TNFRSF1A: variants seen among roughly 807,000 people sequenced by gnomAD.
TNFRSF1A encodes tumor necrosis factor receptor superfamily member 1A.
A neutral mutation model predicts 41.6 loss-of-function variants in TNFRSF1A; 9 were observed. The ratio of observed to expected loss-of-function variants is 0.22; its 90% CI spans 0.13 to 0.38. The LOEUF is 0.38. Ranked by LOEUF, TNFRSF1A falls within the 10% of genes least tolerant of loss-of-function variation. The pLI, the probability that TNFRSF1A is intolerant of heterozygous loss-of-function variation, is 1.00. For missense variants in TNFRSF1A, 463 were observed against 591.5 expected (o/e 0.78, Z 2.25); for synonymous variants, 254 against 248.6 (o/e 1.02, Z -0.21).
intron 7 of TNFRSF1A, 53 bp downstream of exon 7, chr12:6,330,545 A>G (rs1436298689): frequency 2.2e-6 from 3 of 1,373,816 alleles, no homozygotes; most frequent in East Asian, 4.7e-5. Flanking sequence ...GCACCCACCC[A>G]TGTCCTCCCT....
chr12:6,333,271 A>T lies in TNFRSF1A; in HGVS notation c.472+96T>A. The stretch of plus-strand genomic sequence containing the variant: ...AGGAGTTGGTTGTCAGACCCACAGA[A>T]TACAGGAGGGGGAAGGAAAGGAAGT... On this transcript the variant is annotated intron_variant, in intron 4 of 9. Coordinates refer to ENST00000162749, the MANE Select transcript of TNFRSF1A (RefSeq NM_001065.4). The surrounding 1 kb of genome is among the most constrained non-coding windows in gnomAD (Gnocchi z 6.3). The T allele has an allele frequency of 6.4e-7, 1 of 1,555,976 alleles. No individual in the cohort carries two copies. The highest frequency in any genetic ancestry group is 8.8e-7 in the Non-Finnish European group (1 of 1,139,798).
rs1379260665 is a variant in TNFRSF1A, at chr12:6,328,969, A to AC, written c.*342dup. ...ACAAAACAAAACAAAAACAAAAAAA[A>AC]CTGCTTATGCACTGTGAAAAAGGCT... On this transcript the variant is annotated 3_prime_UTR_variant, in exon 10 of 10. Transcript: ENST00000162749. 4.3e-5 allele frequency: 14 copies of AC among 325,904 alleles called. No individual in the cohort carries two copies. The highest frequency in any genetic ancestry group is 7.9e-4 in the Middle Eastern group (1 of 1,268). The allele number at this position is 325,904 out of a possible 1,614,324, so 20.2% of individuals were successfully genotyped here.
In TNFRSF1A at chr12:6,336,812, C is replaced by A. The variant is rs35934465; in HGVS notation, c.40-2568G>T. Among the ~76,000 whole-genome samples, 4 of 152,356 alleles carry A rather than the reference C, an allele frequency of 2.6e-5. No homozygotes were observed. In the East Asian group the frequency reaches 7.7e-4, roughly 29 times the overall value. ...AGCTCTCACTCCATCCCCCAACACT[C>A]CCCAGTCCCAGCAGGAAGCAAGCCA... is the stretch of plus-strand genomic sequence containing the variant. On this transcript the variant is annotated intron_variant, in intron 1 of 9. Transcript: ENST00000162749.
Position 6,334,291 on chromosome 12 carries a change from T to C in TNFRSF1A, c.40-47A>G, listed in dbSNP as rs201502987. Reference sequence around the variant, plus strand: ...GAGACACCATCAAGAGAGGGAGGGATGGGAAGCTTAGGGGTAGCAGATCTA... The same window carrying C: ...GAGACACCATCAAGAGAGGGAGGGACGGGAAGCTTAGGGGTAGCAGATCTA... On this transcript the variant is annotated intron_variant, in intron 1 of 9. Coordinates refer to ENST00000162749, the MANE Select transcript of TNFRSF1A (RefSeq NM_001065.4). The surrounding 1 kb of genome is among the most constrained non-coding windows in gnomAD (Gnocchi z 5.1). 4 of 1,580,558 alleles carry C rather than the reference T, an allele frequency of 2.5e-6. No individual in the cohort carries two copies. Among genetic ancestry groups the C allele is most frequent in the Non-Finnish European group, 3.5e-6 (4 of 1,153,890 alleles).
chr12:6,330,540 C>T (rs1201169295), intron 7 of TNFRSF1A, 58 bp downstream of exon 7: 1 of 1,321,534 alleles, frequency 7.6e-7, no homozygotes, highest in Non-Finnish European at 1.1e-6. Flanking sequence ...CCATCGCACC[C>T]ACCCATGTCC....
rs1285092040 is a variant in TNFRSF1A, at chr12:6,330,028, T to C, written c.807A>G (p.Pro269=). ...CTGGAGTGGGACTGAAGCTTGGGTT[T>C]GGGGCCAGGGGCTTAGTAGTAGTTC... ...LEGTTTKPLA[P]NPSFSPTPGF... is the part of the protein sequence containing the mutation. The change falls in exon 9 of 10, where the codon CCA becomes CCG. Residue 269 remains proline (P), a synonymous_variant. Coordinates refer to ENST00000162749, the MANE Select transcript of TNFRSF1A (RefSeq NM_001065.4). 5.6e-6 allele frequency: 9 copies of C among 1,612,232 alleles called. No individual in the cohort carries two copies. Among genetic ancestry groups the C allele is most frequent in the Non-Finnish European group, 6.8e-6 (8 of 1,179,458 alleles).
At chr12:6,329,702 T>C in intron 9 of TNFRSF1A, 76 bp downstream of exon 9, 1 of 1,524,866 alleles carries the variant, frequency 6.6e-7, no homozygotes, top group Non-Finnish European at 8.8e-7. Flanking sequence ...CCTCTCGTGG[T>C]CCCCTCTGGG....
Position 6,334,421 on chromosome 12 carries a change from C to T in TNFRSF1A, c.40-177G>A, listed in dbSNP as rs996911263. ...TGAAACTTAGACAGTTGGGGCCATA[C>T]AATCTGATGCTTAATTGTTCTCTAG... On this transcript the variant is annotated intron_variant, in intron 1 of 9. Coordinates refer to ENST00000162749, the MANE Select transcript of TNFRSF1A (RefSeq NM_001065.4). The surrounding 1 kb of genome is among the most constrained non-coding windows in gnomAD (Gnocchi z 5.1). Among the ~76,000 whole-genome samples, 10 of 152,204 alleles carry T rather than the reference C, an allele frequency of 6.6e-5. No homozygotes were observed. The highest frequency in any genetic ancestry group is 1.2e-4 in the Non-Finnish European group (8 of 68,040).
In TNFRSF1A at chr12:6,329,367, T is replaced by G. The variant is rs778715246; in HGVS notation, c.1313A>C (p.Glu438Ala). Residue 438 changes from glutamate to alanine, a missense_variant, in exon 10 of 10, where the codon GAG becomes GCG. By Grantham distance (107) the Glu-to-Ala change is moderately radical (BLOSUM62 -1). Around this residue, in one of 4 missense-constraint regions of TNFRSF1A, gnomAD observed 277 missense variants for 288.8 expected, o/e 0.96. Coordinates refer to ENST00000162749, the MANE Select transcript of TNFRSF1A (RefSeq NM_001065.4). The stretch of plus-strand genomic sequence containing the variant: ...GGCGGCGGGGCCGCAAAGCGCCTCC[T>G]CGATGTCCTCCAGGCAGCCCAGCAG... ...MDLLGCLEDI[E>A]EALCGPAALP... 3.3e-6 allele frequency: 5 copies of G among 1,505,066 alleles called. No individual in the cohort carries two copies. Among genetic ancestry groups the G allele is most frequent in the African/African-American group, 2.9e-5 (2 of 69,530 alleles). The allele number at this position is 1,505,066 out of a possible 1,614,324, so 93.2% of individuals were successfully genotyped here. A position where few individuals can be genotyped will look rare whatever the true frequency, so the allele number is the denominator to read the frequency against.
Position 6,333,222 on chromosome 12 carries a change from G to C in TNFRSF1A, c.473-75C>G, listed in dbSNP as rs1948073192. On this transcript the variant is annotated intron_variant, in intron 4 of 9. Transcript: ENST00000162749. This position sits in a 1 kb window ranked among gnomAD's most constrained non-coding sequence, Gnocchi z 6.3. ...CCCCACAGGACAGAGGAAGTGACGA[G>C]GGACAGGGTGGGGGCGGCCAGAGAG... is the stretch of plus-strand genomic sequence containing the variant. 1 of 1,563,982 alleles carries C rather than the reference G, an allele frequency of 6.4e-7. No individual in the cohort carries two copies. The highest frequency in any genetic ancestry group is 1.4e-5 in the African/African-American group (1 of 73,804).
At chr12:6,330,370 T>C in intron 7 of TNFRSF1A, 75 bp from the exon 8 acceptor site, 1 of 1,414,256 alleles carries the variant, frequency 7.1e-7, no homozygotes, top group Non-Finnish European at 1.0e-6. Flanking sequence ...CAGCTGGCAG[T>C]GGGGACTTGT....
At position 6,329,922 on chromosome 12, in the gene TNFRSF1A, G is replaced by T. The variant is rs1804532; in HGVS notation, c.913C>A (p.Pro305Thr). The T allele has an allele frequency of 6.4e-7, 1 of 1,571,794 alleles. No homozygotes were observed. Among genetic ancestry groups the T allele is most frequent in the Non-Finnish European group, 8.6e-7 (1 of 1,157,130 alleles). ...TCTCTGCGGGGAGCCGCAAAGTTGG[G>T]ACAGTCACCGGGGGTATAGGTGGAG... is the stretch of plus-strand genomic sequence containing the variant. ...SSSTYTPGDC[P>T]NFAAPRREVA... The change falls in exon 9 of 10, where the codon CCC (proline) becomes ACC (threonine). Residue 305 changes from proline to threonine, a missense_variant. Physicochemically the swap from Pro to Thr is conservative, Grantham distance 38. Around this residue, in one of 4 missense-constraint regions of TNFRSF1A, gnomAD observed 277 missense variants for 288.8 expected, o/e 0.96. Transcript: ENST00000162749.
Position 6,333,215 on chromosome 12 carries a change from G to T in TNFRSF1A, c.473-68C>A. 1 of 1,573,940 alleles carries T rather than the reference G, an allele frequency of 6.4e-7. No individual in the cohort carries two copies. Among genetic ancestry groups the T allele is most frequent in the Non-Finnish European group, 8.7e-7 (1 of 1,147,382 alleles). On this transcript the variant is annotated intron_variant, in intron 4 of 9. Coordinates refer to ENST00000162749, the MANE Select transcript of TNFRSF1A (RefSeq NM_001065.4). The surrounding 1 kb of genome is among the most constrained non-coding windows in gnomAD (Gnocchi z 6.3). Reference sequence around the variant, plus strand: ...ACCCCCACCCCACAGGACAGAGGAAGTGACGAGGGACAGGGTGGGGGCGGC... The same window carrying T: ...ACCCCCACCCCACAGGACAGAGGAATTGACGAGGGACAGGGTGGGGGCGGC...
rs201056424 is a variant in TNFRSF1A, at chr12:6,329,795, T to C, written c.1040A>G (p.Lys347Arg). ...PLQKWEDSAH[K>R]PQSLDTDDPA... ...AAACTCACTGTCTAGGCTCTGTGGCTTGTGGGCGCTGTCCTCCCACTTCTG... is the reference window on the plus strand; with the variant it reads ...AAACTCACTGTCTAGGCTCTGTGGCCTGTGGGCGCTGTCCTCCCACTTCTG... Residue 347 changes from lysine (K) to arginine (R), a missense_variant, in exon 9 of 10, where the codon AAG (lysine) becomes AGG (arginine). Physicochemically the swap from Lys to Arg is conservative, Grantham distance 26. Around this residue, in one of 4 missense-constraint regions of TNFRSF1A, gnomAD observed 277 missense variants for 288.8 expected, o/e 0.96. Coordinates refer to ENST00000162749, the MANE Select transcript of TNFRSF1A (RefSeq NM_001065.4). The C allele has an allele frequency of 1.2e-6, 2 of 1,603,156 alleles. No homozygotes were observed. The highest frequency in any genetic ancestry group is 8.5e-7 in the Non-Finnish European group (1 of 1,176,328).
chr12:6,338,952 A>T (rs947975362), intron 1 of TNFRSF1A, among the ~76,000 whole-genome samples: 3 of 152,176 alleles, frequency 2.0e-5, no homozygotes, highest in African/African-American at 7.2e-5. Context: ...CTCACTTCTA[A>T]TCACAGTCTG....
rs895885615 is a variant in TNFRSF1A at position 6,333,738 on chromosome 12, C to A, written c.321G>T (p.Lys107Asn). 6.4e-7 allele frequency: 1 copy of A among 1,569,200 alleles called. No homozygotes were observed. Among genetic ancestry groups the A allele is most frequent in the Non-Finnish European group, 8.7e-7 (1 of 1,155,810 alleles). ...ACTCTCCTGCCTGTGCACACTCACC[C>A]TTTCGGCATTTGGAGCAGCTGAGGC... The part of the protein sequence containing the change: ...RHCLSCSKCR[K>N]EMGQVEISSC... The change falls in exon 3 of 10, where the codon AAG becomes AAT. Residue 107 changes from lysine (K) to asparagine (N), a missense_variant and splice_region_variant. Transcript: ENST00000162749. This position sits in a 1 kb window ranked among gnomAD's most constrained non-coding sequence, Gnocchi z 6.3.
At chr12:6,330,492 G>A (rs1334064843) in intron 7 of TNFRSF1A, 106 bp downstream of exon 7, 1 of 1,025,736 alleles carries the variant, frequency 9.7e-7, no homozygotes, top group South Asian at 1.3e-5. Flanking sequence ...CCAGCGGTAT[G>A]AACTGAGGGG....
Position 6,341,630 on chromosome 12 carries a change from T to C in TNFRSF1A, c.39+146A>G. The C allele has an allele frequency of 1.2e-6, 1 of 864,490 alleles. No individual in the cohort carries two copies. 53.6% of individuals were successfully genotyped at this position (864,490 alleles called of 1,614,324 possible). On this transcript the variant is annotated intron_variant, in intron 1 of 9. Transcript: ENST00000162749. The surrounding 1 kb of genome is among the most constrained non-coding windows in gnomAD (Gnocchi z 4.6). ...TGAATGGGGAACCCCACACTGGCAG[T>C]GGCTGAGGTTAGGACCTGCAGGCCT...
chr12:6,332,966 T>C (rs947736742), intron 5 of TNFRSF1A, 103 bp downstream of exon 5: 22 of 1,054,740 alleles, frequency 2.1e-5, no homozygotes, highest in Non-Finnish European at 3.2e-5. Flanking sequence ...CCCTGAGCAC[T>C]CTGGGGCATC....
Sources: gnomAD v4.1 joint callset for allele counts (sites outside exome capture counted in the v4.1 genomes callset) on GRCh38, gnomAD v4.1.1 for gene constraint, gnomAD v4.1.1 regional missense constraint, Gnocchi (gnomAD v3.1) non-coding constraint, MANE v1.5 for transcripts, NCBI Gene and HGNC (gene_info 2026-07-23, HGNC 2026-07-21) for gene names.